Variants in ITGAE observed in about 807,000 individuals in gnomAD.
ITGAE encodes the protein integrin alpha-E.
In ITGAE, 99 loss-of-function variants were observed where a neutral mutation model predicts 136.5. The observed-to-expected ratio is 0.73, with a 90% CI of 0.62 to 0.86. The LOEUF (loss-of-function observed/expected upper bound fraction) is 0.86. Among genes scored for constraint, ITGAE ranks in the 40% least tolerant of loss-of-function variants. ITGAE has a pLI of 0.00. For missense variants in ITGAE, 1,447 were observed against 1,515.3 expected, an observed-to-expected ratio of 0.95 and a Z score of 0.75; for synonymous variants, 613 against 591.8, an observed-to-expected ratio of 1.04 and a Z score of -0.52.
intron 18 of ITGAE, among the ~76,000 whole-genome samples, chr17:3,744,051 C>T (rs1166525200): frequency 4.4e-4 from 67 of 151,408 alleles, no homozygotes; most frequent in Non-Finnish European, 2.8e-4. Flanking sequence ...CACTCTGTCA[C>T]CCAGTCTGGA....
chr17:3,744,619 A>AT (rs910874331), intron 18 of ITGAE, among the ~76,000 whole-genome samples: 39 of 149,626 alleles, frequency 2.6e-4, no homozygotes, highest in Non-Finnish European at 4.0e-4. Context: ...TAATTTTTGT[A>AT]TTTTTTTTTA....
At chr17:3,788,970 T>A (rs1015411608) in intron 1 of ITGAE, among the ~76,000 whole-genome samples, 1 of 151,440 alleles carries the variant, frequency 6.6e-6, no homozygotes, top group Admixed American at 6.6e-5. Flanking sequence ...ACAAAAGAAA[T>A]CAAGGTGACT....
chr17:3,765,577 C>A (rs896503948), intron 2 of ITGAE, among the ~76,000 whole-genome samples: 1 of 152,074 alleles, frequency 6.6e-6, no homozygotes, highest in African/African-American at 2.4e-5. Flanking sequence ...TGAACCCACC[C>A]CAAGCTGACT....
At chr17:3,724,786 C>A in intron 26 of ITGAE, 1 of 1,614,178 alleles carries the variant, frequency 6.2e-7, no homozygotes, top group Non-Finnish European at 8.5e-7. Flanking sequence ...CCAGAGGGTC[C>A]AGGTCTGTCA....
chr17:3,725,890 G>A, intron 26 of ITGAE: 1 of 1,612,458 alleles, frequency 6.2e-7, no homozygotes, highest in Non-Finnish European at 8.5e-7. Flanking sequence ...GACTTACACT[G>A]GGGGAACGTG....
At chr17:3,728,875 A>T (rs1257335251) in intron 24 of ITGAE, among the ~76,000 whole-genome samples, 1 of 151,548 alleles carries the variant, frequency 6.6e-6, no homozygotes, top group Non-Finnish European at 1.5e-5. Context: ...TCTATTAAAA[A>T]TTTTTTAAAA....
At chr17:3,725,594 A>C in intron 26 of ITGAE, 1 of 1,614,226 alleles carries the variant, frequency 6.2e-7, no homozygotes, top group Middle Eastern at 1.6e-4. Context: ...GCAACCGCAC[A>C]GAAGGCTTTA....
At chr17:3,780,614 G>A (rs1267846034) in intron 1 of ITGAE, among the ~76,000 whole-genome samples, 1 of 151,880 alleles carries the variant, frequency 6.6e-6, no homozygotes, top group East Asian at 2.0e-4. Context: ...TGTATTTTCA[G>A]TAGAGACGGA....
intron 26 of ITGAE, chr17:3,725,892 G>C: frequency 6.2e-7 from 1 of 1,612,528 alleles, no homozygotes; most frequent in Non-Finnish European, 8.5e-7. Context: ...CTTACACTGG[G>C]GGAACGTGCT....
chr17:3,743,338 G>T, intron 19 of ITGAE, 151 bp downstream of exon 19: 1 of 847,042 alleles, frequency 1.2e-6, no homozygotes, highest in Non-Finnish European at 1.8e-6. Context: ...CCATCTCAGG[G>T]ACTCAGTTTC....
chr17:3,735,020 C>T, intron 20 of ITGAE, 71 bp from the exon 21 acceptor site: 2 of 1,552,860 alleles, frequency 1.3e-6, no homozygotes, highest in Non-Finnish European at 1.8e-6. Flanking sequence ...TACAATAGGA[C>T]ATTCACCGAG....
intron 4 of ITGAE, 86 bp from the exon 5 acceptor site, chr17:3,761,606 C>A: frequency 8.0e-7 from 1 of 1,251,494 alleles, no homozygotes; most frequent in East Asian, 2.4e-5. Flanking sequence ...CATTCCAGAA[C>A]TCAGTGGCTC....
intron 2 of ITGAE, among the ~76,000 whole-genome samples, chr17:3,774,625 C>T (rs547270444): frequency 6.6e-6 from 1 of 151,914 alleles, no homozygotes; most frequent in Non-Finnish European, 1.5e-5. Flanking sequence ...ATTAGCTGGG[C>T]GTGGTGGCGG....
chr17:3,735,955 C>T (rs973954447), intron 20 of ITGAE, among the ~76,000 whole-genome samples: 2 of 152,098 alleles, frequency 1.3e-5, no homozygotes, highest in Admixed American at 6.6e-5. Flanking sequence ...ACCAGCCTGG[C>T]CAAGATGGTG....
At position 3,729,815 on chromosome 17, in the gene ITGAE, G is replaced by A. The variant is rs948638120; in HGVS notation, c.2835-260C>T. Among the ~76,000 whole-genome samples the A allele has an allele frequency of 3.9e-5, 6 of 152,108 alleles. No individual in the cohort carries two copies. The South Asian group carries it at 6.2e-4, about 16-fold the overall frequency. ...TCACCATGTTGGCCAGGCTGGTCTC[G>A]AACTCCTGACCTCAAGTGATCTGCC... On this transcript the variant is annotated intron_variant, in intron 23 of 30. Coordinates refer to ENST00000263087, the MANE Select transcript of ITGAE (RefSeq NM_002208.5).
chr17:3,790,210 G>A (rs568873985), intron 1 of ITGAE, among the ~76,000 whole-genome samples: 2 of 152,086 alleles, frequency 1.3e-5, no homozygotes, highest in East Asian at 3.9e-4. Context: ...CTTCAGCAAA[G>A]AAAAGAAAAA....
At position 3,801,116 on chromosome 17, in the gene ITGAE, A is replaced by G. The variant is rs781161153; in HGVS notation, c.29T>C (p.Ile10Thr). 1 of 1,612,864 alleles carries G rather than the reference A, an allele frequency of 6.2e-7. No individual in the cohort carries two copies. Among genetic ancestry groups the G allele is most frequent in the South Asian group, 1.1e-5 (1 of 91,088 alleles). The change falls in exon 1 of 31, where the codon ATA becomes ACA. Residue 10 changes from isoleucine to threonine, a missense_variant. Ile to Thr is a moderately conservative substitution (Grantham distance 89). Coordinates refer to ENST00000263087, the MANE Select transcript of ITGAE (RefSeq NM_002208.5). ...CAGCGGGTGAGAGGACTTACTGGCT[A>G]TGCAGAGCAGAGTGTGGAAGAGCCA... MWLFHTLLC[I>T]ASLALLAAFN...
chr17:3,760,188 T>G lies in ITGAE; in HGVS notation c.698A>C (p.Tyr233Ser), dbSNP rs150916593. 4.3e-6 allele frequency: 7 copies of G among 1,611,438 alleles called. No homozygotes were observed. The African/African-American group carries it at 9.3e-5, about 22-fold the overall frequency. The change falls in exon 7 of 31, where the codon TAT (tyrosine) becomes TCT (serine). Residue 233 changes from tyrosine (Y) to serine (S), a missense_variant. Coordinates refer to ENST00000263087, the MANE Select transcript of ITGAE (RefSeq NM_002208.5). ...DFISNMMRNF[Y>S]EKCFECNFAL... ...GAAGCCCACCTCAAAACACTTTTCA[T>G]AGAAGTTCCTCATCATGTTGGAGAT...
chr17:3,747,271 G>A (rs1424489014), intron 17 of ITGAE, among the ~76,000 whole-genome samples: 3 of 152,100 alleles, frequency 2.0e-5, no homozygotes, highest in African/African-American at 7.2e-5. Context: ...AGAAGCCCCC[G>A]CACACACGCA....
Sources: gnomAD v4.1 joint callset for allele counts (sites outside exome capture counted in the v4.1 genomes callset) on GRCh38, gnomAD v4.1.1 for gene constraint, MANE v1.5 for transcripts, NCBI Gene and HGNC (gene_info 2026-07-23, HGNC 2026-07-21) for gene names.